Variants in DPP10 observed in about 807,000 individuals in gnomAD.
The protein encoded by DPP10 is inactive dipeptidyl peptidase 10.
In DPP10, 33 loss-of-function variants were observed where a neutral mutation model predicts 120.9. That is an observed-to-expected ratio of 0.27 (90% CI 0.21 to 0.37). The LOEUF is 0.37. Ranked by LOEUF, DPP10 falls within the 10% of genes least tolerant of loss-of-function variation. The pLI is 1.00. For synonymous variants in DPP10, 337 were observed against 326.1 expected, an observed-to-expected ratio of 1.03 and a Z score of -0.36; for missense variants, 816 against 942.8, an observed-to-expected ratio of 0.87 and a Z score of 1.76.
intron 3 of DPP10, among the ~76,000 whole-genome samples, chr2:115,363,280 C>G (rs1445519939): frequency 6.6e-6 from 1 of 152,166 alleles, no homozygotes; most frequent in Non-Finnish European, 1.5e-5. Context: ...TTTGTTTGCA[C>G]ATTGTACTCC....
At chr2:114,524,672 A>G (rs1685349083) in intron 1 of DPP10, among the ~76,000 whole-genome samples, 1 of 152,208 alleles carries the variant, frequency 6.6e-6, no homozygotes, top group South Asian at 2.1e-4. Context: ...TGTTGCAATA[A>G]ATTTCAGCAG....
intron 5 of DPP10, among the ~76,000 whole-genome samples, chr2:115,687,485 GGATAGATAGATAGATA>G (rs3043901): frequency 2.7e-5 from 4 of 146,900 alleles, no homozygotes; most frequent in Non-Finnish European, 4.5e-5. Context: ...ATGGATGGAT[GGATAGATAGATAGATA>G]GATAGATAGA....
chr2:114,571,521 T>A (rs1689644745), intron 1 of DPP10, among the ~76,000 whole-genome samples: 1 of 152,094 alleles, frequency 6.6e-6, no homozygotes, highest in Non-Finnish European at 1.5e-5. Context: ...GACTAATACC[T>A]TTAACATACG....
intron 5 of DPP10, among the ~76,000 whole-genome samples, chr2:115,563,241 G>A (rs2080800231): frequency 1.3e-5 from 2 of 152,096 alleles, no homozygotes; most frequent in African/African-American, 4.8e-5. Context: ...CTGACTCATG[G>A]TAGTCGTCCT....
intron 1 of DPP10, among the ~76,000 whole-genome samples, chr2:115,225,364 T>C (rs935536697): frequency 6.6e-6 from 1 of 152,086 alleles, no homozygotes; most frequent in Non-Finnish European, 1.5e-5. Flanking sequence ...ATCTCAGGTC[T>C]GTGTGGAGGA....
intron 1 of DPP10, among the ~76,000 whole-genome samples, chr2:114,992,798 T>A (rs1407409609): frequency 6.6e-6 from 1 of 152,218 alleles, no homozygotes; most frequent in South Asian, 2.1e-4. Context: ...TTAAAATCGA[T>A]GACATCAGAA....
At chr2:115,254,277 G>T (rs2058878211) in intron 1 of DPP10, among the ~76,000 whole-genome samples, 1 of 152,072 alleles carries the variant, frequency 6.6e-6, no homozygotes, top group Non-Finnish European at 1.5e-5. Flanking sequence ...GAAAAGAGGG[G>T]AAAACCCCTT....
chr2:114,625,786 G>A lies in DPP10; in HGVS notation c.60+182948G>A, dbSNP rs541236480. Among the ~76,000 whole-genome samples, 12 of 152,012 alleles carry A rather than the reference G, an allele frequency of 7.9e-5. 1 individual carries two copies. The highest frequency in any genetic ancestry group is 2.9e-4 in the African/African-American group (12 of 41,528). On this transcript the variant is annotated intron_variant, in intron 1 of 25. Coordinates refer to ENST00000410059, the MANE Select transcript of DPP10 (RefSeq NM_020868.6). ...GTAGGCTCTTGAATACTTTTGGGAA[G>A]TTTCTTGTCAACATATAAGATATTC...
rs535041220 is a variant in DPP10 at position 115,690,510 on chromosome 2, T to C, written c.576+589T>C. Among the ~76,000 whole-genome samples the C allele has an allele frequency of 1.4e-4, 22 of 152,322 alleles. No individual in the cohort carries two copies. The South Asian group carries it at 3.5e-3, about 24-fold the overall frequency. ...TCGCTGCAACCTCTGCCTCCCAGGTTTAAGCAATTCTTGTGCTTCAGCCTC... is the reference window on the plus strand; with the variant it reads ...TCGCTGCAACCTCTGCCTCCCAGGTCTAAGCAATTCTTGTGCTTCAGCCTC... On this transcript the variant is annotated intron_variant, in intron 7 of 25. Transcript: ENST00000410059.
At chr2:114,801,931 A>G (rs796449725) in intron 1 of DPP10, among the ~76,000 whole-genome samples, 15 of 151,418 alleles carry the variant, frequency 9.9e-5, no homozygotes, top group African/African-American at 3.7e-4. Flanking sequence ...TCAACTTATC[A>G]GTTCCCAAAT....
chr2:115,169,614 AAT>A (rs904350111), intron 1 of DPP10, among the ~76,000 whole-genome samples: 1 of 152,144 alleles, frequency 6.6e-6, no homozygotes, highest in Non-Finnish European at 1.5e-5. Context: ...TTCATGGTTT[AAT>A]ATTCTCTTTC....
intron 1 of DPP10, among the ~76,000 whole-genome samples, chr2:115,253,524 C>A (rs1207153073): frequency 6.6e-6 from 1 of 152,194 alleles, no homozygotes; most frequent in Non-Finnish European, 1.5e-5. Flanking sequence ...AATTTATTTA[C>A]TTCCAAGATG....
chr2:115,840,474 G>C (rs141065262), intron 24 of DPP10, among the ~76,000 whole-genome samples: 2 of 151,164 alleles, frequency 1.3e-5, no homozygotes, highest in East Asian at 3.9e-4. Context: ...ACAGGTGCCC[G>C]CCACCACACC....
At chr2:115,171,927 C>G (rs1172246987) in intron 1 of DPP10, among the ~76,000 whole-genome samples, 1 of 152,098 alleles carries the variant, frequency 6.6e-6, no homozygotes, top group Non-Finnish European at 1.5e-5. Context: ...AGCCATAATG[C>G]CATTCTGAAC....
chr2:115,514,543 A>G (rs1200403968), intron 4 of DPP10, among the ~76,000 whole-genome samples: 1 of 151,760 alleles, frequency 6.6e-6, no homozygotes, highest in Non-Finnish European at 1.5e-5. Context: ...CATTTTTTAA[A>G]ACAAGATAAT....
intron 5 of DPP10, among the ~76,000 whole-genome samples, chr2:115,621,751 C>G (rs1369685579): frequency 6.6e-6 from 1 of 152,180 alleles, no homozygotes; most frequent in Non-Finnish European, 1.5e-5. Context: ...GCGATCTCGG[C>G]TCACTGCAAC....
Position 115,087,533 on chromosome 2 carries a change from C to CTTT in DPP10, c.61-221704_61-221702dup, listed in dbSNP as rs1310507943. 7.5e-4 allele frequency among the ~76,000 whole-genome samples: 69 copies of CTTT among 92,592 alleles called. 1 individual carries two copies. The highest frequency in any genetic ancestry group is 1.2e-3 in the African/African-American group (32 of 27,386). 60.7% of individuals were successfully genotyped at this position (92,592 alleles called of 152,430 possible). A position where few individuals can be genotyped will look rare whatever the true frequency, so the allele number is the denominator to read the frequency against. On this transcript the variant is annotated intron_variant, in intron 1 of 25. Transcript: ENST00000410059. The stretch of plus-strand genomic sequence containing the variant: ...TCTTTTTCTTTCTTTCTTTTCTTTT[C>CTTT]TTTTCTTTTTTTTTTTTTTTTTTGA...
At chr2:115,331,136 C>G (rs947155911) in intron 2 of DPP10, among the ~76,000 whole-genome samples, 3 of 152,012 alleles carry the variant, frequency 2.0e-5, no homozygotes, top group African/African-American at 7.3e-5. Flanking sequence ...TGAAGAGGTC[C>G]TTCACATCCC....
At chr2:115,239,160 A>C (rs1275651165) in intron 1 of DPP10, among the ~76,000 whole-genome samples, 1 of 152,122 alleles carries the variant, frequency 6.6e-6, no homozygotes, top group East Asian at 1.9e-4. Context: ...TCCTTTGACA[A>C]CACCCTCACA....
Sources: gnomAD v4.1 joint callset for allele counts (sites outside exome capture counted in the v4.1 genomes callset) on GRCh38, gnomAD v4.1.1 for gene constraint, MANE v1.5 for transcripts, NCBI Gene and HGNC (gene_info 2026-07-23, HGNC 2026-07-21) for gene names.